The following CAMK4 variants were observed in gnomAD, a reference collection of about 807,000 sequenced individuals.
CAMK4 encodes calcium/calmodulin dependent protein kinase IV.
In CAMK4, 22 loss-of-function variants were observed where a neutral mutation model predicts 44.9. The observed-to-expected ratio is 0.49, with a 90% confidence interval of 0.35 to 0.70. The LOEUF is 0.70. Among genes scored for constraint, CAMK4 ranks in the 30% least tolerant of loss-of-function variants. CAMK4 has a pLI of 0.01. For synonymous variants in CAMK4, 218 were observed against 215.4 expected (o/e 1.01, Z -0.11); for missense variants, 498 against 586.8 (o/e 0.85, Z 1.56).
At chr5:111,278,766 T>G (rs1220525523) in intron 1 of CAMK4, among the ~76,000 whole-genome samples, 1 of 152,212 alleles carries the variant, frequency 6.6e-6, no homozygotes, top group East Asian at 1.9e-4. Flanking sequence ...TTTTGCCTCC[T>G]GCAAAGAAAC....
At chr5:111,356,427 C>T (rs1358990898) in intron 2 of CAMK4, among the ~76,000 whole-genome samples, 17 of 152,306 alleles carry the variant, frequency 1.1e-4, no homozygotes, top group African/African-American at 3.1e-4. Flanking sequence ...GAGTAGGTTG[C>T]GGAAATTTTC....
At chr5:111,364,236 C>T (rs1481207856) in intron 2 of CAMK4, among the ~76,000 whole-genome samples, 1 of 151,908 alleles carries the variant, frequency 6.6e-6, no homozygotes, top group Non-Finnish European at 1.5e-5. Flanking sequence ...TGTTCTAGAT[C>T]CCAGGGAGAT....
intron 1 of CAMK4, among the ~76,000 whole-genome samples, chr5:111,288,308 G>A (rs961254069): frequency 6.6e-6 from 1 of 152,176 alleles, no homozygotes; most frequent in Admixed American, 6.5e-5. Context: ...ATGTGCAAGA[G>A]TTTCTCTGGG....
chr5:111,240,495 A>G (rs1183211453), intron 1 of CAMK4, among the ~76,000 whole-genome samples: 1 of 152,206 alleles, frequency 6.6e-6, no homozygotes, highest in Non-Finnish European at 1.5e-5. Context: ...TTCCAGTTTC[A>G]TCTTACATTT....
At chr5:111,346,603 A>C (rs1043647064) in intron 2 of CAMK4, among the ~76,000 whole-genome samples, 3 of 151,858 alleles carry the variant, frequency 2.0e-5, no homozygotes, top group African/African-American at 7.2e-5. Flanking sequence ...AAGAATATAA[A>C]TTTATTCTCT....
intron 8 of CAMK4, 71 bp downstream of exon 8, chr5:111,473,457 C>A: frequency 1.1e-6 from 1 of 937,654 alleles, no homozygotes; most frequent in Non-Finnish European, 1.7e-6. Context: ...ACCTCTAATG[C>A]TCATAAAAAC....
intron 7 of CAMK4, among the ~76,000 whole-genome samples, chr5:111,460,778 T>G (rs1336460211): frequency 6.6e-6 from 1 of 152,114 alleles, no homozygotes; most frequent in Non-Finnish European, 1.5e-5. Context: ...AAAATGGCAA[T>G]GACTTCAAGA....
chr5:111,470,576 C>T (rs534600801), intron 7 of CAMK4, among the ~76,000 whole-genome samples: 1 of 152,356 alleles, frequency 6.6e-6, no homozygotes, highest in Admixed American at 6.5e-5. Context: ...GTGATAACAG[C>T]AGCCATTTAG....
intron 6 of CAMK4, among the ~76,000 whole-genome samples, 181 bp downstream of exon 6, chr5:111,446,957 A>T (rs992554709): frequency 1.2e-4 from 18 of 152,328 alleles, no homozygotes; most frequent in African/African-American, 3.8e-4. Flanking sequence ...TGGAATGTTT[A>T]TTTGGAAAAT....
chr5:111,435,100 T>A (rs1753599252), intron 5 of CAMK4, among the ~76,000 whole-genome samples: 1 of 152,208 alleles, frequency 6.6e-6, no homozygotes. Flanking sequence ...AGAGCAGCAG[T>A]CTTTGTCTCT....
chr5:111,428,924 C>A (rs1195468866), intron 5 of CAMK4, among the ~76,000 whole-genome samples: 1 of 151,976 alleles, frequency 6.6e-6, no homozygotes, highest in Middle Eastern at 3.2e-3. Flanking sequence ...TCCGAAAGGT[C>A]AAGAAATATC....
chr5:111,313,961 C>A (rs139876909), intron 1 of CAMK4, among the ~76,000 whole-genome samples: 1 of 151,962 alleles, frequency 6.6e-6, no homozygotes, highest in Admixed American at 6.6e-5. Context: ...ATGGGTATAT[C>A]GAATTATAGG....
chr5:111,432,033 A>T (rs570806233), intron 5 of CAMK4, among the ~76,000 whole-genome samples: 1 of 152,286 alleles, frequency 6.6e-6, no homozygotes, highest in South Asian at 2.1e-4. Flanking sequence ...AAATGAGTAT[A>T]TTGAAGAGAT....
chr5:111,298,380 A>G (rs1561393807), intron 1 of CAMK4, among the ~76,000 whole-genome samples: 1 of 152,232 alleles, frequency 6.6e-6, no homozygotes, highest in Non-Finnish European at 1.5e-5. Flanking sequence ...AGCTCTAAGA[A>G]TAGCTAGGGA....
chr5:111,343,400 T>G (rs961822711), intron 1 of CAMK4, among the ~76,000 whole-genome samples: 1 of 151,794 alleles, frequency 6.6e-6, no homozygotes, highest in African/African-American at 2.4e-5. Flanking sequence ...TTTTACTCTT[T>G]TGCTTCTCAT....
chr5:111,286,679 A>C (rs73786872), intron 1 of CAMK4, among the ~76,000 whole-genome samples: 2,613 of 152,314 alleles, frequency 0.017, 81 homozygotes, highest in African/African-American at 0.059. Context: ...TTTAGCTGCT[A>C]TAAAGACTTT....
chr5:111,344,836 C>A (rs569356555), intron 2 of CAMK4, among the ~76,000 whole-genome samples: 7 of 151,896 alleles, frequency 4.6e-5, no homozygotes, highest in African/African-American at 7.2e-5. Flanking sequence ...ACTGTCTATA[C>A]CCCCAGAGAG....
intron 4 of CAMK4, among the ~76,000 whole-genome samples, chr5:111,391,237 G>A (rs988107223): frequency 2.6e-5 from 4 of 152,098 alleles, no homozygotes; most frequent in Non-Finnish European, 4.4e-5. Context: ...CAGGGGAGGG[G>A]AAGAGATCTC....
At chr5:111,471,852 C>A (rs76384657) in intron 7 of CAMK4, among the ~76,000 whole-genome samples, 2,882 of 152,128 alleles carry the variant, frequency 0.019, 87 homozygotes, top group African/African-American at 0.067. Flanking sequence ...ATGGTAAATC[C>A]ACAGTCCCAT....
Sources: allele counts gnomAD v4.1 joint callset (sites outside exome capture counted in the v4.1 genomes callset), GRCh38; gene constraint gnomAD v4.1.1; transcripts MANE v1.5; gene names NCBI Gene and HGNC (gene_info 2026-07-23, HGNC 2026-07-21).